The following TNRC6C variants were observed in gnomAD, a reference collection of about 807,000 sequenced individuals.
TNRC6C encodes the protein trinucleotide repeat containing adaptor 6C, also known as trinucleotide repeat-containing gene 6C protein.
TNRC6C carries 20 observed loss-of-function variants against 153.7 expected under a neutral mutation model. The observed-to-expected ratio is 0.13, with a 90% confidence interval of 0.09 to 0.19. The LOEUF is 0.19. Ranked by LOEUF, TNRC6C falls within the 10% of genes least tolerant of loss-of-function variation. TNRC6C has a pLI of 1.00. For missense variants in TNRC6C, 1,987 were observed against 2,172.0 expected (o/e 0.91, Z 1.69); for synonymous variants, 811 against 841.4 (o/e 0.96, Z 0.63).
chr17:78,035,289 T>G (rs2072158041), intron 2 of TNRC6C, among the ~76,000 whole-genome samples: 1 of 152,154 alleles, frequency 6.6e-6, no homozygotes, highest in South Asian at 2.1e-4. Flanking sequence ...ACAGGCCCAA[T>G]CCACTTTCCA....
chr17:78,031,867 T>A (rs755712578), intron 2 of TNRC6C, 25 bp downstream of exon 4: 15 of 1,231,970 alleles, frequency 1.2e-5, no homozygotes, highest in Middle Eastern at 6.2e-4. Context: ...GGATGAGACA[T>A]TGTTTTGATC....
chr17:78,009,528 G>T (rs1367457246), intron 1 of TNRC6C, among the ~76,000 whole-genome samples: 2 of 152,044 alleles, frequency 1.3e-5, no homozygotes, highest in African/African-American at 2.4e-5. Flanking sequence ...GACCCATTAT[G>T]GTTCATGGTC....
chr17:78,094,319 A>G (rs2073444572), intron 16 of TNRC6C, among the ~76,000 whole-genome samples: 1 of 152,024 alleles, frequency 6.6e-6, no homozygotes, highest in African/African-American at 2.4e-5. Context: ...TGGAAGGAAG[A>G]GCTAGATTGC....
chr17:77,984,152 T>G (rs916641711), intron 1 of TNRC6C, among the ~76,000 whole-genome samples: 3 of 152,128 alleles, frequency 2.0e-5, no homozygotes, highest in Non-Finnish European at 4.4e-5. Context: ...ACATTTCCCT[T>G]TGGTGAGCTG....
chr17:78,086,400 T>C, intron 11 of TNRC6C, 103 bp from the exon 14 acceptor site: 1 of 753,758 alleles, frequency 1.3e-6, no homozygotes, highest in Non-Finnish European at 2.1e-6. Context: ...GAAGAGTGGC[T>C]AGGTTCTCTT....
chr17:78,100,629 A>C (rs1001996611), intron 17 of TNRC6C, among the ~76,000 whole-genome samples: 1 of 152,130 alleles, frequency 6.6e-6, no homozygotes, highest in Non-Finnish European at 1.5e-5. Context: ...CTGTGATGGG[A>C]GGGGCTTCTC....
At chr17:78,070,203 C>T (rs943768986) in intron 5 of TNRC6C, among the ~76,000 whole-genome samples, 1 of 152,018 alleles carries the variant, frequency 6.6e-6, no homozygotes, top group Non-Finnish European at 1.5e-5. Flanking sequence ...AATGATGGGA[C>T]CAAAAATAGC....
In TNRC6C at chr17:78,097,862, G is replaced by A. The variant is rs895228660; in HGVS notation, c.4307-481G>A. On this transcript the variant is annotated intron_variant, in intron 16 of 19. Transcript: ENST00000301624. ...ATTGCATCCGCACCTAGTGTTGCAGGTACGCGCCTGGCCTCTAGACTTGCA... is the reference window on the plus strand; with the variant it reads ...ATTGCATCCGCACCTAGTGTTGCAGATACGCGCCTGGCCTCTAGACTTGCA... The A allele has an allele frequency of 3.8e-5, 58 of 1,540,126 alleles. No individual in the cohort carries two copies. Among genetic ancestry groups the A allele is most frequent in the Non-Finnish European group, 4.8e-5 (55 of 1,140,930 alleles).
At chr17:77,969,381 C>G (rs929781359) in intron 1 of TNRC6C, among the ~76,000 whole-genome samples, 1 of 152,082 alleles carries the variant, frequency 6.6e-6, no homozygotes, top group Admixed American at 6.6e-5. Flanking sequence ...TCCCAAGTAT[C>G]TGGGATTACA....
At chr17:78,012,287 G>T (rs2071647459) in intron 1 of TNRC6C, among the ~76,000 whole-genome samples, 1 of 152,164 alleles carries the variant, frequency 6.6e-6, no homozygotes, top group Non-Finnish European at 1.5e-5. Context: ...TTAGATGGCA[G>T]AGATCAGTTC....
chr17:78,067,186 GA>G (rs901980828), intron 4 of TNRC6C: 13 of 149,008 alleles, frequency 8.7e-5, no homozygotes, highest in African/African-American at 1.2e-4. Context: ...CTATTAAAAA[GA>G]AAAAAAAAAT....
chr17:78,102,385 C>A (rs1469862870), intron 17 of TNRC6C, 89 bp from the exon 21 acceptor site: 8 of 1,231,470 alleles, frequency 6.5e-6, no homozygotes, highest in Non-Finnish European at 9.2e-6. Flanking sequence ...CCTGTGCTGT[C>A]CCACACTTCA....
intron 1 of TNRC6C, among the ~76,000 whole-genome samples, chr17:78,020,486 A>C (rs2071811297): frequency 6.6e-6 from 1 of 152,212 alleles, no homozygotes; most frequent in Non-Finnish European, 1.5e-5. Context: ...TTTCACTTTC[A>C]GTCTTTATGA....
exon 17 of TNRC6C, chr17:78,098,354 G>A (rs1253360738): frequency 2.5e-6 from 4 of 1,611,312 alleles, no homozygotes; most frequent in Non-Finnish European, 3.4e-6. Context: ...TAAACTGTCA[G>A]ACATCAAATC....
At chr17:78,071,132 G>T in exon 6 of TNRC6C, 1 of 1,606,954 alleles carries the variant, frequency 6.2e-7, no homozygotes, top group Non-Finnish European at 8.5e-7. Context: ...TCATGAGCCG[G>T]CTGATCAAAC....
rs2073665971 is a variant in TNRC6C at position 78,104,942 on chromosome 17, C to T, written c.*97C>T. The T allele has an allele frequency of 7.4e-7, 1 of 1,359,894 alleles. No individual in the cohort carries two copies. The highest frequency in any genetic ancestry group is 3.5e-5 in the Admixed American group (1 of 28,316). The allele number at this position is 1,359,894 out of a possible 1,614,324, so 84.2% of individuals were successfully genotyped here. The stretch of plus-strand genomic sequence containing the variant: ...CCGCTGGAACCCAGCAGCGGCCGCC[C>T]TTTTGAGTACCTCTGTCCAGGACTG... On this transcript the variant is annotated 3_prime_UTR_variant, in exon 20 of 20. Coordinates refer to ENST00000301624, the Ensembl canonical transcript of TNRC6C. The surrounding 1 kb of genome is among the most constrained non-coding windows in gnomAD (Gnocchi z 6.2).
In TNRC6C at chr17:78,049,845, C is replaced by G. The variant is rs373368572; in HGVS notation, c.783C>G (p.Ser261Arg). The stretch of plus-strand genomic sequence containing the variant: ...CAGGTAACCCTGCCACAGGAAATAG[C>G]AATTCTGGGTTCAGTCAGGGGAATG... Residue 261 changes from serine (S) to arginine (R), a missense_variant, in exon 3 of 20, where the codon AGC (serine) becomes AGG (arginine). Ser to Arg is a moderately radical substitution (Grantham distance 110, BLOSUM62 -1). Coordinates refer to ENST00000301624, the Ensembl canonical transcript of TNRC6C. The surrounding 1 kb of genome is among the most constrained non-coding windows in gnomAD (Gnocchi z 4.1). 5.6e-6 allele frequency: 9 copies of G among 1,613,436 alleles called. No individual in the cohort carries two copies. The African/African-American group carries it at 1.2e-4, about 22-fold the overall frequency.
At chr17:78,085,944 A>G (rs1221499678) in intron 11 of TNRC6C, among the ~76,000 whole-genome samples, 1 of 152,046 alleles carries the variant, frequency 6.6e-6, no homozygotes, top group Non-Finnish European at 1.5e-5. Flanking sequence ...ACCAACACTA[A>G]ACAGGTATTG....
intron 1 of TNRC6C, among the ~76,000 whole-genome samples, chr17:78,015,144 A>C (rs1033404201): frequency 1.3e-5 from 2 of 152,180 alleles, no homozygotes; most frequent in Admixed American, 6.5e-5. Context: ...GACTAGAATT[A>C]CTGCTTGATT....
Sources: allele counts gnomAD v4.1 joint callset (sites outside exome capture counted in the v4.1 genomes callset), GRCh38; gene constraint gnomAD v4.1.1; non-coding constraint Gnocchi (gnomAD v3.1); transcripts MANE v1.5; gene names NCBI Gene and HGNC (gene_info 2026-07-23, HGNC 2026-07-21).